The following ATP6V1H variants were observed in gnomAD, a reference collection of about 807,000 sequenced individuals.
The protein encoded by ATP6V1H is V-type proton ATPase subunit H.
In ATP6V1H, 39 loss-of-function variants were observed where a neutral mutation model predicts 71.7. The observed-to-expected ratio is 0.54, with a 90% CI of 0.42 to 0.71. ATP6V1H has a LOEUF of 0.71. Among genes scored for constraint, ATP6V1H ranks in the 30% least tolerant of loss-of-function variants. The probability of loss-of-function intolerance (pLI) is 0.00; values close to 1 mark genes in which losing one functional copy is unlikely to be tolerated. For synonymous variants in ATP6V1H, 192 were observed against 199.3 expected (o/e 0.96, Z 0.31); for missense variants, 509 against 594.9 (o/e 0.86, Z 1.50).
rs1811396937 is a variant in ATP6V1H, at chr8:53,843,078, G to C, written c.-80C>G. 6.6e-6 allele frequency: 1 copy of C among 152,542 alleles called. No individual in the cohort carries two copies. Among genetic ancestry groups the C allele is most frequent in the Admixed American group, 6.5e-5 (1 of 15,294 alleles). 9.4% of individuals were successfully genotyped at this position (152,542 alleles called of 1,614,324 possible). On this transcript the variant is annotated 5_prime_UTR_variant, in exon 1 of 14. Transcript: ENST00000359530. The stretch of plus-strand genomic sequence containing the variant: ...CCACAACGCACCCAAAGCCGGCAGG[G>C]AGGGTGGTCCGGGGCGCCGGGGACA...
chr8:53,773,238 C>T (rs1808739749), intron 9 of ATP6V1H, among the ~76,000 whole-genome samples: 1 of 152,146 alleles, frequency 6.6e-6, no homozygotes, highest in Non-Finnish European at 1.5e-5. Flanking sequence ...AAATTACTTG[C>T]AATCCTCCTT....
At chr8:53,836,512 C>A (rs1290189768) in intron 2 of ATP6V1H, among the ~76,000 whole-genome samples, 1 of 152,202 alleles carries the variant, frequency 6.6e-6, no homozygotes, top group East Asian at 1.9e-4. Context: ...TGACCCACAG[C>A]TAATCAGGCC....
At chr8:53,772,350 G>A (rs1186403595) in intron 9 of ATP6V1H, among the ~76,000 whole-genome samples, 183 bp from the exon 10 acceptor site, 1 of 152,018 alleles carries the variant, frequency 6.6e-6, no homozygotes, top group African/African-American at 2.4e-5. Context: ...CATATCAGAA[G>A]CCTACTTCTG....
At chr8:53,809,423 A>G (rs1233488160) in intron 7 of ATP6V1H, among the ~76,000 whole-genome samples, 1 of 152,214 alleles carries the variant, frequency 6.6e-6, no homozygotes, top group East Asian at 1.9e-4. Context: ...TAAGAACTTC[A>G]GGAAGAGTCC....
At chr8:53,723,048 AAAAC>A (rs1319129462) in intron 13 of ATP6V1H, among the ~76,000 whole-genome samples, 2 of 152,234 alleles carry the variant, frequency 1.3e-5, no homozygotes, top group African/African-American at 4.8e-5. Context: ...TGCAAAAACT[AAAAC>A]AAACCACAAC....
At chr8:53,765,464 C>CAG (rs1379762899) in intron 11 of ATP6V1H, among the ~76,000 whole-genome samples, 5 of 109,614 alleles carry the variant, frequency 4.6e-5, no homozygotes, top group Admixed American at 2.0e-4. Flanking sequence ...AACACACACA[C>CAG]ACACACACAC....
chr8:53,787,802 G>C (rs530586423), intron 9 of ATP6V1H, among the ~76,000 whole-genome samples: 35 of 152,270 alleles, frequency 2.3e-4, no homozygotes, highest in African/African-American at 7.7e-4. Context: ...GAGACCTGGA[G>C]TACAGCATGC....
intron 2 of ATP6V1H, chr8:53,839,971 C>A: frequency 1.0e-6 from 1 of 953,384 alleles, no homozygotes; most frequent in Non-Finnish European, 1.2e-6. Context: ...TGCCTGCCTC[C>A]AAAACATGTA....
At chr8:53,823,808 A>G (rs1157324171) in intron 4 of ATP6V1H, among the ~76,000 whole-genome samples, 1 of 152,220 alleles carries the variant, frequency 6.6e-6, no homozygotes, top group Non-Finnish European at 1.5e-5. Context: ...GAATGGAAAT[A>G]AATTAAAATT....
intron 6 of ATP6V1H, among the ~76,000 whole-genome samples, chr8:53,814,342 A>G (rs1563478862): frequency 6.6e-6 from 1 of 151,940 alleles, no homozygotes; most frequent in Non-Finnish European, 1.5e-5. Context: ...TGCTCTTTGG[A>G]GCTGTGTGGG....
intron 12 of ATP6V1H, among the ~76,000 whole-genome samples, chr8:53,752,955 TTGAG>T (rs1388636572): frequency 6.6e-6 from 1 of 152,152 alleles, no homozygotes; most frequent in Non-Finnish European, 1.5e-5. Flanking sequence ...TTTAAAATGT[TTGAG>T]TATTATGATT....
chr8:53,794,110 C>T (rs1809653993), intron 9 of ATP6V1H, among the ~76,000 whole-genome samples: 1 of 152,000 alleles, frequency 6.6e-6, no homozygotes, highest in South Asian at 2.1e-4. Flanking sequence ...TCTACACCAA[C>T]ACAGCGGAAA....
chr8:53,832,895 A>G (rs1811052787), intron 3 of ATP6V1H, 89 bp downstream of exon 3: 1 of 799,408 alleles, frequency 1.3e-6, no homozygotes, highest in African/African-American at 1.8e-5. Context: ...AATTAGCAAG[A>G]AAACTGGAAG....
intron 9 of ATP6V1H, 65 bp from the exon 10 acceptor site, chr8:53,772,232 T>C (rs1808687885): frequency 7.8e-7 from 1 of 1,285,616 alleles, no homozygotes; most frequent in Non-Finnish European, 1.1e-6. Context: ...CAGAGACCTC[T>C]GCACATTCTT....
rs145900294 is a variant in ATP6V1H, at chr8:53,761,021, A to G, written c.1176-4365T>C. Among the ~76,000 whole-genome samples the G allele has an allele frequency of 2.0e-3, 301 of 152,260 alleles. 2 individuals carry two copies. The highest frequency in any genetic ancestry group is 7.0e-3 in the African/African-American group (290 of 41,558). On this transcript the variant is annotated intron_variant, in intron 11 of 13. Coordinates refer to ENST00000359530, the MANE Select transcript of ATP6V1H (RefSeq NM_015941.4). ...AAACAATAATTTCAAATTTCTCATC[A>G]TCATATAAACATAAAAGAAAAATAC...
chr8:53,755,504 G>T (rs1249769042), intron 12 of ATP6V1H, among the ~76,000 whole-genome samples: 1 of 143,352 alleles, frequency 7.0e-6, no homozygotes, highest in Admixed American at 7.3e-5. Context: ...TAGGTTACGG[G>T]GGGTGGGGGT....
Position 53,841,580 on chromosome 8 carries a change from A to AAGAT in ATP6V1H, c.107_110dup (p.Gln38SerfsTer9), listed in dbSNP as rs779656956. ...ATTCACAGCAAATTGGTACTTACTG[A>AAGAT]AGATAGGATTGCCAGTTGACTTTGT... On this transcript the variant is annotated frameshift_variant, in exon 2 of 14. Transcript: ENST00000359530. LOFTEE classifies it high-confidence loss of function. 2 of 1,614,064 alleles carry AAGAT rather than the reference A, an allele frequency of 1.2e-6. No homozygotes were observed. The highest frequency in any genetic ancestry group is 3.3e-5 in the Admixed American group (2 of 60,018).
intron 13 of ATP6V1H, among the ~76,000 whole-genome samples, chr8:53,735,640 G>A (rs761063214): frequency 1.3e-5 from 2 of 151,958 alleles, no homozygotes; most frequent in Non-Finnish European, 2.9e-5. Context: ...GTAACCTCCA[G>A]GAACTAGGGG....
At chr8:53,784,719 G>A (rs1301946901) in intron 9 of ATP6V1H, among the ~76,000 whole-genome samples, 1 of 152,160 alleles carries the variant, frequency 6.6e-6, no homozygotes, top group South Asian at 2.1e-4. Context: ...AGGAGCTCTT[G>A]TAGGGCAGGC....
Sources: gnomAD v4.1 joint callset for allele counts (sites outside exome capture counted in the v4.1 genomes callset) on GRCh38, gnomAD v4.1.1 for gene constraint, MANE v1.5 for transcripts, NCBI Gene and HGNC (gene_info 2026-07-23, HGNC 2026-07-21) for gene names.